PPP3CC: variants seen among roughly 807,000 people sequenced by gnomAD.
PPP3CC encodes the protein serine/threonine-protein phosphatase 2B catalytic subunit gamma isoform.
A neutral mutation model predicts 60.3 loss-of-function variants in PPP3CC; 35 were observed. The observed-to-expected ratio is 0.58, with a 90% CI of 0.44 to 0.77. PPP3CC has a LOEUF of 0.77. Ranked by LOEUF, PPP3CC falls within the 30% of genes least tolerant of loss-of-function variation. PPP3CC has a pLI of 0.00. For synonymous variants in PPP3CC, 206 were observed against 224.3 expected (o/e 0.92, Z 0.73); for missense variants, 570 against 628.9 (o/e 0.91, Z 1.00).
intron 1 of PPP3CC, among the ~76,000 whole-genome samples, chr8:22,441,791 T>C (rs1049504127): frequency 6.6e-6 from 1 of 152,136 alleles, no homozygotes; most frequent in African/African-American, 2.4e-5. Flanking sequence ...TCGGGGGTGG[T>C]GTGAGCAGGG....
intron 3 of PPP3CC, among the ~76,000 whole-genome samples, chr8:22,481,970 T>C (rs1301615225): frequency 6.6e-6 from 1 of 152,206 alleles, no homozygotes; most frequent in Admixed American, 6.5e-5. Flanking sequence ...GTCTTTACTA[T>C]TGTGAATAGT....
At chr8:22,523,127 T>C (rs974930449) in intron 8 of PPP3CC, among the ~76,000 whole-genome samples, 2 of 152,202 alleles carry the variant, frequency 1.3e-5, no homozygotes, top group African/African-American at 4.8e-5. Flanking sequence ...TTAATCTTTG[T>C]GAATTATTAA....
rs1443470661 is a variant in PPP3CC at position 22,441,323 on chromosome 8, G to A, written c.-87G>A. 1 of 1,400,018 alleles carries A rather than the reference G, an allele frequency of 7.1e-7. No homozygotes were observed. The highest frequency in any genetic ancestry group is 2.3e-5 in the Admixed American group (1 of 42,958). The allele number at this position is 1,400,018 out of a possible 1,614,324, so 86.7% of individuals were successfully genotyped here. Reference sequence around the variant, plus strand: ...CACGGCTGGCTGACGGCTCCGGGCAGCTAAGGCTGCCCGAGGAGAAGGCGG... The same window carrying A: ...CACGGCTGGCTGACGGCTCCGGGCAACTAAGGCTGCCCGAGGAGAAGGCGG... On this transcript the variant is annotated 5_prime_UTR_variant, in exon 1 of 14. Transcript: ENST00000240139.
chr8:22,522,843 A>T, intron 8 of PPP3CC, 94 bp downstream of exon 8: 1 of 943,878 alleles, frequency 1.1e-6, no homozygotes, highest in Non-Finnish European at 1.6e-6. Flanking sequence ...TGTCATTTTA[A>T]AACATAAATT....
At chr8:22,522,424 T>C (rs1839431446) in intron 6 of PPP3CC, 67 bp from the exon 7 acceptor site, 1 of 1,282,204 alleles carries the variant, frequency 7.8e-7, no homozygotes, top group African/African-American at 1.5e-5. Context: ...CCTTGACTTT[T>C]CCCCATCTTC....
intron 6 of PPP3CC, among the ~76,000 whole-genome samples, chr8:22,514,671 GT>G (rs200888236): frequency 0.029 from 3,641 of 124,636 alleles, 144 homozygotes; most frequent in African/African-American, 0.098. Context: ...ATTTTTTGTT[GT>G]TTTTTTTTTC....
intron 9 of PPP3CC, among the ~76,000 whole-genome samples, chr8:22,528,155 A>AGCCTGTTGGACGTAG (rs1839609525): frequency 6.6e-6 from 1 of 152,216 alleles, no homozygotes; most frequent in Non-Finnish European, 1.5e-5. Context: ...AAATTAGCTA[A>AGCCTGTTGGACGTAG]GCCTGTTGGA....
intron 4 of PPP3CC, among the ~76,000 whole-genome samples, chr8:22,510,612 G>A (rs898483261): frequency 6.6e-6 from 1 of 152,170 alleles, no homozygotes; most frequent in African/African-American, 2.4e-5. Flanking sequence ...CAGTCCAGCA[G>A]CTTTCCATCT....
At chr8:22,457,316 A>G (rs1478845134) in intron 1 of PPP3CC, among the ~76,000 whole-genome samples, 5 of 151,032 alleles carry the variant, frequency 3.3e-5, no homozygotes, top group Admixed American at 6.6e-5. Flanking sequence ...CCCAAGTCCC[A>G]TCTTCATTTA....
chr8:22,442,273 A>G (rs1836695535), intron 1 of PPP3CC, among the ~76,000 whole-genome samples: 1 of 152,166 alleles, frequency 6.6e-6, no homozygotes, highest in African/African-American at 2.4e-5. Context: ...GAGATTAACA[A>G]TCGGTTTGAA....
At chr8:22,443,558 G>C (rs1452948077) in intron 1 of PPP3CC, among the ~76,000 whole-genome samples, 1 of 148,246 alleles carries the variant, frequency 6.7e-6, no homozygotes, top group Non-Finnish European at 1.5e-5. Flanking sequence ...CTGGTTTATT[G>C]CTACGCATGC....
intron 6 of PPP3CC, among the ~76,000 whole-genome samples, chr8:22,520,670 G>T (rs1839382822): frequency 6.6e-6 from 1 of 151,660 alleles, no homozygotes; most frequent in South Asian, 2.1e-4. Flanking sequence ...TCTTTTTTAT[G>T]GTTTCTGTTT....
At chr8:22,505,742 A>G (rs907762657) in intron 4 of PPP3CC, among the ~76,000 whole-genome samples, 2 of 152,232 alleles carry the variant, frequency 1.3e-5, no homozygotes, top group Non-Finnish European at 2.9e-5. Context: ...AGAGTTGAAC[A>G]CTTACATGCT....
At chr8:22,446,711 T>C (rs1183696039) in intron 1 of PPP3CC, among the ~76,000 whole-genome samples, 1 of 141,736 alleles carries the variant, frequency 7.1e-6, no homozygotes, top group Non-Finnish European at 1.5e-5. Context: ...GAGGCTGAGG[T>C]AGGAGAATCG....
At chr8:22,529,773 A>G (rs1288040977) in intron 10 of PPP3CC, among the ~76,000 whole-genome samples, 4 of 152,120 alleles carry the variant, frequency 2.6e-5, no homozygotes, top group African/African-American at 4.8e-5. Flanking sequence ...AGCATGAGCC[A>G]CCATGCCCAG....
At chr8:22,499,460 A>C (rs538971572) in intron 4 of PPP3CC, among the ~76,000 whole-genome samples, 2 of 152,236 alleles carry the variant, frequency 1.3e-5, no homozygotes, top group East Asian at 3.9e-4. Context: ...AAAAAAAGAA[A>C]AAAAAAAGAA....
intron 1 of PPP3CC, among the ~76,000 whole-genome samples, chr8:22,467,722 C>T (rs774147317): frequency 3.3e-5 from 5 of 152,146 alleles, no homozygotes; most frequent in African/African-American, 4.8e-5. Context: ...CCACCGCCCC[C>T]GGCCTGTTCA....
intron 1 of PPP3CC, among the ~76,000 whole-genome samples, chr8:22,447,473 A>G (rs1261631505): frequency 6.6e-6 from 1 of 151,292 alleles, no homozygotes; most frequent in Non-Finnish European, 1.5e-5. Context: ...TGAGCCACCG[A>G]GCCTGGCCTA....
At chr8:22,467,810 G>A (rs1563697090) in intron 1 of PPP3CC, among the ~76,000 whole-genome samples, 1 of 152,180 alleles carries the variant, frequency 6.6e-6, no homozygotes, top group African/African-American at 2.4e-5. Flanking sequence ...TAGAGGCTGG[G>A]AAGTCCAAGA....
Sources: allele counts gnomAD v4.1 joint callset (sites outside exome capture counted in the v4.1 genomes callset), GRCh38; gene constraint gnomAD v4.1.1; transcripts MANE v1.5; gene names NCBI Gene and HGNC (gene_info 2026-07-23, HGNC 2026-07-21).